SAMD3: variants seen among roughly 807,000 people sequenced by gnomAD.
The protein encoded by SAMD3 is sterile alpha motif domain-containing protein 3.
SAMD3 carries 63 observed loss-of-function variants against 58.5 expected under a neutral mutation model. The ratio of observed to expected loss-of-function variants is 1.08; its 90% CI spans 0.88 to 1.33. The LOEUF is 1.33. Ranked by LOEUF, SAMD3 falls within the 40% of genes most tolerant of loss-of-function variation. The pLI is 0.00. For synonymous variants in SAMD3, 220 were observed against 210.3 expected, an observed-to-expected ratio of 1.05 and a Z score of -0.40; for missense variants, 604 against 608.4, an observed-to-expected ratio of 0.99 and a Z score of 0.08.
intron 4 of SAMD3, among the ~76,000 whole-genome samples, chr6:130,211,595 A>G (rs1294302975): frequency 6.6e-6 from 1 of 152,000 alleles, no homozygotes; most frequent in Non-Finnish European, 1.5e-5. Flanking sequence ...CCAATCAGAA[A>G]AATTTAAAAT....
chr6:130,294,796 T>C (rs1346674469), intron 2 of SAMD3, among the ~76,000 whole-genome samples: 1 of 151,948 alleles, frequency 6.6e-6, no homozygotes, highest in African/African-American at 2.4e-5. Context: ...ACAATTATAG[T>C]CCAATCTTGC....
chr6:130,211,326 T>C (rs1347247557), intron 4 of SAMD3, among the ~76,000 whole-genome samples: 65 of 143,080 alleles, frequency 4.5e-4, no homozygotes, highest in South Asian at 5.0e-4. Context: ...CTCTGTCACC[T>C]AGGCTGGAGT....
chr6:130,237,900 A>G (rs928266094), intron 2 of SAMD3, among the ~76,000 whole-genome samples: 2 of 152,218 alleles, frequency 1.3e-5, no homozygotes, highest in African/African-American at 4.8e-5. Context: ...GTGTTTAAAA[A>G]TATTTATTTA....
intron 2 of SAMD3, among the ~76,000 whole-genome samples, chr6:130,246,595 A>T (rs1773554591): frequency 6.6e-6 from 1 of 152,064 alleles, no homozygotes; most frequent in South Asian, 2.1e-4. Context: ...TGTGGGAAAG[A>T]GCATATACAA....
chr6:130,365,649 A>G, upstream of SAMD3: 1 of 985,430 alleles, frequency 1.0e-6, no homozygotes. Context: ...CGGTAGCTAG[A>G]GGCGGGCCCC....
chr6:130,357,641 C>T (rs9483115), intron 1 of SAMD3, among the ~76,000 whole-genome samples: 71,681 of 151,998 alleles, frequency 0.47, 20,320 homozygotes, highest in African/African-American at 0.8. Context: ...CCTTAACATT[C>T]GTTTGCTGCT....
chr6:130,246,711 G>A (rs1186267604), intron 2 of SAMD3, among the ~76,000 whole-genome samples: 1 of 151,744 alleles, frequency 6.6e-6, no homozygotes, highest in African/African-American at 2.4e-5. Flanking sequence ...GCCAACATGG[G>A]AAACCCCATC....
At chr6:130,269,679 TTGAC>T (rs1774490260) in intron 2 of SAMD3, among the ~76,000 whole-genome samples, 1 of 150,768 alleles carries the variant, frequency 6.6e-6, no homozygotes, top group African/African-American at 2.4e-5. Context: ...CTTTTTTTCA[TTGAC>T]TGTCTCTATT....
At chr6:130,229,602 C>T (rs1244801656) in intron 2 of SAMD3, among the ~76,000 whole-genome samples, 2 of 152,102 alleles carry the variant, frequency 1.3e-5, no homozygotes, top group Non-Finnish European at 1.5e-5. Flanking sequence ...AAACTGGAGG[C>T]GACTAAACAT....
At chr6:130,323,234 G>A (rs1323341195) in intron 1 of SAMD3, among the ~76,000 whole-genome samples, 1 of 152,108 alleles carries the variant, frequency 6.6e-6, no homozygotes, top group African/African-American at 2.4e-5. Context: ...GCAAAAACCA[G>A]GCTCCCTGAA....
At chr6:130,308,354 T>TATTCTATTCTATTCTATTCTATTC (rs1562512646) in intron 2 of SAMD3, among the ~76,000 whole-genome samples, 1 of 13,052 alleles carries the variant, frequency 7.7e-5, no homozygotes, top group African/African-American at 3.1e-4. Flanking sequence ...CATAGAATTC[T>TATTCTATTCTATTCTATTCTATTC]ATTCTATTCT....
At chr6:130,257,444 G>A (rs915275345) in intron 2 of SAMD3, among the ~76,000 whole-genome samples, 2 of 152,082 alleles carry the variant, frequency 1.3e-5, no homozygotes, top group Non-Finnish European at 2.9e-5. Context: ...GTTTCATATA[G>A]TAGTTGTCAT....
intron 2 of SAMD3, among the ~76,000 whole-genome samples, chr6:130,256,610 TCTTA>T (rs954078583): frequency 1.3e-5 from 2 of 152,232 alleles, no homozygotes; most frequent in Non-Finnish European, 2.9e-5. Context: ...GTCTTTGTCC[TCTTA>T]CTTGTCTGTT....
intron 1 of SAMD3, among the ~76,000 whole-genome samples, chr6:130,364,641 A>T (rs1297936059): frequency 6.6e-6 from 1 of 151,884 alleles, no homozygotes; most frequent in Non-Finnish European, 1.5e-5. Context: ...AAATAAAACC[A>T]CAGATGGTTT....
intron 2 of SAMD3, among the ~76,000 whole-genome samples, chr6:130,230,490 C>A (rs9483094): frequency 0.1 from 15,922 of 152,032 alleles, 1,093 homozygotes; most frequent in Admixed American, 0.16. Flanking sequence ...TGGGTTCAAG[C>A]GATTCTCCTG....
chr6:130,318,296 T>C (rs1005231859), intron 1 of SAMD3, among the ~76,000 whole-genome samples: 3 of 151,928 alleles, frequency 2.0e-5, no homozygotes, highest in Non-Finnish European at 4.4e-5. Context: ...AAAACAAGAC[T>C]CAAAATGATC....
chr6:130,149,956 C>G (rs1788993904), intron 9 of SAMD3, among the ~76,000 whole-genome samples: 1 of 152,188 alleles, frequency 6.6e-6, no homozygotes, highest in South Asian at 2.1e-4. Context: ...TTCTGTTACT[C>G]AGACTGGATA....
At chr6:130,246,907 G>A (rs1773566008) in intron 2 of SAMD3, among the ~76,000 whole-genome samples, 1 of 151,962 alleles carries the variant, frequency 6.6e-6, no homozygotes, top group South Asian at 2.1e-4. Context: ...GTAAATGTGA[G>A]TTGGAAATAA....
At chr6:130,179,533 G>A (rs2114683662) in intron 7 of SAMD3, among the ~76,000 whole-genome samples, 1 of 150,832 alleles carries the variant, frequency 6.6e-6, no homozygotes, top group East Asian at 2.0e-4. Flanking sequence ...GTCTTACATG[G>A]CAACTGGACT....
Sources: allele counts gnomAD v4.1 joint callset (sites outside exome capture counted in the v4.1 genomes callset), GRCh38; gene constraint gnomAD v4.1.1; transcripts MANE v1.5; gene names NCBI Gene and HGNC (gene_info 2026-07-23, HGNC 2026-07-21).